TRAP1: variants seen among roughly 807,000 people sequenced by gnomAD.
The protein encoded by TRAP1 is TNF receptor associated protein 1.
Under a neutral mutation model 89.1 loss-of-function variants are expected in TRAP1, and 102 were observed. The observed-to-expected ratio is 1.15, with a 90% CI of 0.98 to 1.35. The LOEUF (loss-of-function observed/expected upper bound fraction) is 1.35, where lower values mean the gene tolerates loss of function less well. TRAP1 is among the 40% of genes most tolerant of loss of function. TRAP1 has a pLI of 0.00. For synonymous variants in TRAP1, 508 were observed against 388.0 expected, an observed-to-expected ratio of 1.31 and a Z score of -3.64; for missense variants, 1,256 against 945.3, an observed-to-expected ratio of 1.33 and a Z score of -4.31.
At chr16:3,667,665 T>C (rs758714059) in intron 11 of TRAP1, among the ~76,000 whole-genome samples, 1 of 150,964 alleles carries the variant, frequency 6.6e-6, no homozygotes, top group Non-Finnish European at 1.5e-5. Context: ...ATAAAAAAAT[T>C]TTATTAATGA....
chr16:3,673,934 T>C (rs531041778), intron 9 of TRAP1, among the ~76,000 whole-genome samples: 21 of 152,184 alleles, frequency 1.4e-4, no homozygotes, highest in African/African-American at 4.8e-4. Context: ...CCACAGCAGA[T>C]GATGTAGGCT....
chr16:3,664,233 G>A, intron 13 of TRAP1, 41 bp downstream of exon 13: 1 of 1,500,076 alleles, frequency 6.7e-7, no homozygotes, highest in South Asian at 1.3e-5. Flanking sequence ...CCCTCCCCAG[G>A]TTGCAGCCCC....
chr16:3,675,998 G>A (rs1168251828), intron 7 of TRAP1, 38 bp downstream of exon 7: 3 of 1,567,674 alleles, frequency 1.9e-6, no homozygotes, highest in Admixed American at 1.8e-5. Context: ...GGCCACACAT[G>A]GATCCCAGAG....
chr16:3,679,691 G>C, intron 5 of TRAP1, 28 bp downstream of exon 5: 2 of 1,613,142 alleles, frequency 1.2e-6, no homozygotes, highest in Non-Finnish European at 1.7e-6. Context: ...AGGGGAAGGG[G>C]GAGGCTGTGT....
chr16:3,671,293 A>G (rs1185695309), intron 11 of TRAP1, among the ~76,000 whole-genome samples: 1 of 152,234 alleles, frequency 6.6e-6, no homozygotes, highest in Non-Finnish European at 1.5e-5. Context: ...ATTAGGGGAA[A>G]AAAAGCCAGT....
At chr16:3,696,289 G>C (rs978173788) in intron 1 of TRAP1, among the ~76,000 whole-genome samples, 3 of 152,320 alleles carry the variant, frequency 2.0e-5, no homozygotes, top group Admixed American at 1.3e-4. Flanking sequence ...AGAAGGACGA[G>C]AAAGGACGGG....
Position 3,675,921 on chromosome 16 carries a change from G to A in TRAP1, c.814+115C>T, listed in dbSNP as rs574548632. ...GTCCCGCAGCGGCTCGGCCCTTCAC[G>A]GCTCTGCCTGTGCACCCTACGTGCA... On this transcript the variant is annotated intron_variant, in intron 7 of 17. Transcript: ENST00000246957. The A allele has an allele frequency of 7.9e-4, 721 of 913,246 alleles. 1 individual carries two copies. Among genetic ancestry groups the A allele is most frequent in the Non-Finnish European group, 8.5e-4 (521 of 611,238 alleles). 56.6% of individuals were successfully genotyped at this position (913,246 alleles called of 1,614,324 possible).
rs1029964966 is a variant in TRAP1 at position 3,674,432 on chromosome 16, G to A, written c.951C>T (p.Tyr317=). 3.3e-5 allele frequency: 53 copies of A among 1,614,010 alleles called. No individual in the cohort carries two copies. Among genetic ancestry groups the A allele is most frequent in the East Asian group, 2.5e-4 (11 of 44,892 alleles). The change falls in exon 9 of 18, where the codon TAC becomes TAT. Residue 317 remains tyrosine (Y), a synonymous_variant. Transcript: ENST00000246957. The part of the protein sequence containing the change: ...REWQHEEFYR[Y]VAQAHDKPRY... ...GGGGCTTGTCGTGAGCCTGCGCGAC[G>A]TAGCGGTAGAACTCCTCATGTTGCC...
intron 11 of TRAP1, among the ~76,000 whole-genome samples, chr16:3,667,754 TC>T (rs200585262): frequency 0.32 from 46,385 of 143,510 alleles, 8,206 homozygotes; most frequent in East Asian, 0.55. Flanking sequence ...ATATAACACA[TC>T]AATTTTTTTT....
chr16:3,700,303 G>C (rs1350940775), intron 1 of TRAP1, among the ~76,000 whole-genome samples: 2 of 151,876 alleles, frequency 1.3e-5, no homozygotes, highest in African/African-American at 2.4e-5. Flanking sequence ...GAGTAGCTGA[G>C]ATTACAGGCA....
chr16:3,662,583 C>T lies in TRAP1; in HGVS notation c.1794+299G>A, dbSNP rs188558080. 25 of 613,972 alleles carry T rather than the reference C, an allele frequency of 4.1e-5. No homozygotes were observed. The Admixed American group carries it at 4.5e-4, about 11-fold the overall frequency. 38.0% of individuals were successfully genotyped at this position (613,972 alleles called of 1,614,324 possible). ...CTCCTGAGGGCTGGGGTAGCATGTC[C>T]CTTGTTTGGAACCCCCACGTCCTCA... On this transcript the variant is annotated intron_variant, in intron 15 of 17. Coordinates refer to ENST00000246957, the MANE Select transcript of TRAP1 (RefSeq NM_016292.3).
chr16:3,706,045 T>C (rs1490280571), intron 1 of TRAP1, among the ~76,000 whole-genome samples: 2 of 150,648 alleles, frequency 1.3e-5, no homozygotes, highest in Non-Finnish European at 3.0e-5. Flanking sequence ...AGTGGTGTAA[T>C]CTCCGCTCAC....
At chr16:3,672,891 G>T in intron 9 of TRAP1, 71 bp from the exon 10 acceptor site, 1 of 1,536,156 alleles carries the variant, frequency 6.5e-7, no homozygotes. Flanking sequence ...GGGAGGTGGG[G>T]GCGGACACGA....
intron 1 of TRAP1, among the ~76,000 whole-genome samples, chr16:3,714,577 C>A (rs377526445): frequency 6.6e-6 from 1 of 152,142 alleles, no homozygotes; most frequent in Non-Finnish European, 1.5e-5. Flanking sequence ...GAGAATCACT[C>A]GAACCCAGGA....
At chr16:3,673,265 A>C (rs1202502962) in intron 9 of TRAP1, among the ~76,000 whole-genome samples, 1 of 152,200 alleles carries the variant, frequency 6.6e-6, no homozygotes, top group African/African-American at 2.4e-5. Flanking sequence ...TGAAACTCAA[A>C]TTTCAGTGTC....
chr16:3,689,109 G>A lies in TRAP1; in HGVS notation c.276C>T (p.Ala92=), dbSNP rs370347742. The A allele has an allele frequency of 1.7e-5, 28 of 1,613,804 alleles. No individual in the cohort carries two copies. The highest frequency in any genetic ancestry group is 7.7e-5 in the South Asian group (7 of 91,028). Residue 92 remains alanine, a synonymous_variant, in exon 3 of 18, where the codon GCC becomes GCT. Coordinates refer to ENST00000246957, the MANE Select transcript of TRAP1 (RefSeq NM_016292.3). ...QGSTSKHEFQ[A]ETKKLLDIVA... ...CAATGTCCAAAAGCTTCTTTGTCTCGGCCTGGAACTCATGTTTGGAAGTGG... is the reference window on the plus strand; with the variant it reads ...CAATGTCCAAAAGCTTCTTTGTCTCAGCCTGGAACTCATGTTTGGAAGTGG...
chr16:3,680,852 G>C (rs1460800441), intron 4 of TRAP1, among the ~76,000 whole-genome samples: 1 of 152,196 alleles, frequency 6.6e-6, no homozygotes, highest in African/African-American at 2.4e-5. Context: ...GGCACTGCCT[G>C]AGTCAAAGGG....
intron 1 of TRAP1, among the ~76,000 whole-genome samples, chr16:3,693,170 A>C (rs1367575461): frequency 6.6e-6 from 1 of 151,678 alleles, no homozygotes; most frequent in African/African-American, 2.4e-5. Context: ...GCTGCTCTCG[A>C]ACTATTGACC....
intron 17 of TRAP1, chr16:3,658,533 T>G (rs1013441688): frequency 3.5e-6 from 2 of 566,964 alleles, no homozygotes; most frequent in African/African-American, 3.8e-5. Flanking sequence ...AATACAAAAT[T>G]AGCCAGGCGC....
Sources: gnomAD v4.1 joint callset for allele counts (sites outside exome capture counted in the v4.1 genomes callset) on GRCh38, gnomAD v4.1.1 for gene constraint, MANE v1.5 for transcripts, NCBI Gene and HGNC (gene_info 2026-07-23, HGNC 2026-07-21) for gene names.